Variants in FIRRM observed in about 807,000 individuals in gnomAD.
The protein encoded by FIRRM is FIGNL1-interacting regulator of recombination and mitosis.
the FIRRM span, among the ~76,000 whole-genome samples, chr1:169,819,906 A>AGG: frequency 2.2e-4 from 33 of 152,196 alleles, 1 homozygote; most frequent in Admixed American, 2.2e-3. Context: ...GCCATTGTAA[A>AGG]ATGGCAAAGC....
chr1:169,800,187 C>T, the FIRRM span, among the ~76,000 whole-genome samples: 1 of 152,144 alleles, frequency 6.6e-6, no homozygotes, highest in East Asian at 1.9e-4. Context: ...GTGCGTGCTA[C>T]CATGCGTGGC....
At chr1:169,803,170 C>T in the FIRRM span, 1 of 1,613,024 alleles carries the variant, frequency 6.2e-7, no homozygotes, top group Admixed American at 1.7e-5. Flanking sequence ...TATTCACAGA[C>T]AATGGTGCAG....
the FIRRM span, chr1:169,793,172 A>C: frequency 1.9e-6 from 3 of 1,614,178 alleles, no homozygotes; most frequent in Non-Finnish European, 2.5e-6. Context: ...ATAAGCCAGG[A>C]GGTCAAAGGT....
the FIRRM span, chr1:169,853,720 T>C: frequency 2.5e-6 from 4 of 1,613,700 alleles, no homozygotes; most frequent in South Asian, 3.3e-5. Flanking sequence ...TTGTCACCAG[T>C]TATTATCTTC....
At chr1:169,792,896 G>GA in the FIRRM span, 4 of 1,614,038 alleles carry the variant, frequency 2.5e-6, no homozygotes, top group East Asian at 6.7e-5. Flanking sequence ...CCACTCACCA[G>GA]AAAAAAATCG....
chr1:169,840,936 TTTTA>T, the FIRRM span, among the ~76,000 whole-genome samples: 63 of 152,306 alleles, frequency 4.1e-4, no homozygotes, highest in Non-Finnish European at 6.5e-4. Context: ...TGTGTGCTGC[TTTTA>T]TTTTTTTCTC....
chr1:169,783,939 C>G, the FIRRM span: 1 of 152,220 alleles, frequency 6.6e-6, no homozygotes, highest in Non-Finnish European at 1.5e-5. Flanking sequence ...GTGTGTGCCA[C>G]CATGTCCAGC....
At chr1:169,841,256 T>C in the FIRRM span, among the ~76,000 whole-genome samples, 10 of 152,258 alleles carry the variant, frequency 6.6e-5, no homozygotes, top group African/African-American at 9.6e-5. Context: ...ATCACACTTA[T>C]TGATTTGCAT....
At chr1:169,789,933 C>G in the FIRRM span, among the ~76,000 whole-genome samples, 5 of 152,166 alleles carry the variant, frequency 3.3e-5, no homozygotes, top group Non-Finnish European at 7.4e-5. Flanking sequence ...ATGCTTAACT[C>G]TTAATCTTCA....
chr1:169,792,944 C>G, the FIRRM span: 1 of 1,614,040 alleles, frequency 6.2e-7, no homozygotes, highest in Non-Finnish European at 8.5e-7. Flanking sequence ...TTTCCTGCAT[C>G]TTTTCACATC....
chr1:169,823,301 AGGGG>A, the FIRRM span: 1 of 572,654 alleles, frequency 1.7e-6, no homozygotes, highest in African/African-American at 1.9e-5. Flanking sequence ...TTTTTTTAAA[AGGGG>A]TCACATTCAG....
chr1:169,815,494 C>A, the FIRRM span, among the ~76,000 whole-genome samples: 1 of 152,014 alleles, frequency 6.6e-6, no homozygotes, highest in Admixed American at 6.6e-5. Flanking sequence ...AGGGTAACTT[C>A]TGGTTGTTGC....
the FIRRM span, chr1:169,852,070 TTC>T: frequency 2.4e-6 from 3 of 1,257,870 alleles, no homozygotes; most frequent in Non-Finnish European, 2.3e-6. Flanking sequence ...ACATGTAAAA[TTC>T]TGTTTTATGG....
the FIRRM span, among the ~76,000 whole-genome samples, chr1:169,831,175 T>C: frequency 6.6e-6 from 1 of 152,180 alleles, no homozygotes; most frequent in South Asian, 2.1e-4. Flanking sequence ...GAACTTGAGT[T>C]TGACATTGAT....
chr1:169,835,108 ATAAT>A, the FIRRM span, among the ~76,000 whole-genome samples: 1 of 152,206 alleles, frequency 6.6e-6, no homozygotes, highest in South Asian at 2.1e-4. Context: ...GAAACTTGAA[ATAAT>A]TATTCAACTA....
chr1:169,845,998 A>G, the FIRRM span, among the ~76,000 whole-genome samples: 1 of 152,180 alleles, frequency 6.6e-6, no homozygotes, highest in Non-Finnish European at 1.5e-5. Flanking sequence ...TATAAAACGT[A>G]TTTCTTAAAC....
chr1:169,812,075 G>A, the FIRRM span, among the ~76,000 whole-genome samples: 16 of 152,312 alleles, frequency 1.1e-4, no homozygotes, highest in African/African-American at 3.9e-4. Flanking sequence ...AGATGGGACT[G>A]TTAAGTTATT....
At chr1:169,826,026 G>T in the FIRRM span, 1 of 239,948 alleles carries the variant, frequency 4.2e-6, no homozygotes, top group Non-Finnish European at 9.0e-6. Context: ...CTGAGAAACT[G>T]AGTATTAATT....
the FIRRM span, chr1:169,795,283 C>G: frequency 1.1e-5 from 16 of 1,468,934 alleles, no homozygotes; most frequent in Non-Finnish European, 1.5e-5. Flanking sequence ...TCTCTTCTGT[C>G]CCTTCAGACC....
Sources: gnomAD v4.1 joint callset for allele counts (sites outside exome capture counted in the v4.1 genomes callset) on GRCh38, gnomAD v4.1.1 for gene constraint, MANE v1.5 for transcripts, NCBI Gene and HGNC (gene_info 2026-07-23, HGNC 2026-07-21) for gene names.